The following AUTS2 variants were observed in gnomAD, a reference collection of about 807,000 sequenced individuals.
The protein encoded by AUTS2 is autism susceptibility gene 2 protein.
Under a neutral mutation model 112.4 loss-of-function variants are expected in AUTS2, and 17 were observed. That is an observed-to-expected ratio of 0.15 (90% confidence interval 0.10 to 0.23). The LOEUF is 0.23. Among genes scored for constraint, AUTS2 ranks in the 10% least tolerant of loss-of-function variants. The pLI is 1.00. For synonymous variants in AUTS2, 751 were observed against 702.7 expected (o/e 1.07, Z -1.09); for missense variants, 1,510 against 1,701.6 (o/e 0.89, Z 1.98).
chr7:70,476,163 C>G (rs1166755858), intron 5 of AUTS2, among the ~76,000 whole-genome samples: 5 of 151,992 alleles, frequency 3.3e-5, no homozygotes, highest in African/African-American at 1.2e-4. Context: ...CTGTTTTTAC[C>G]CATCCCCATA....
chr7:69,675,727 G>A (rs1196104712), intron 1 of AUTS2, among the ~76,000 whole-genome samples: 1 of 151,792 alleles, frequency 6.6e-6, no homozygotes. Flanking sequence ...GGTTGGTCTC[G>A]AACTCCTGAC....
intron 10 of AUTS2, among the ~76,000 whole-genome samples, chr7:70,770,279 G>C (rs1175317810): frequency 6.6e-6 from 1 of 152,180 alleles, no homozygotes; most frequent in Non-Finnish European, 1.5e-5. Flanking sequence ...ATATCAATTA[G>C]TCTGAAAAAC....
At chr7:69,623,204 A>G (rs567082316) in intron 1 of AUTS2, among the ~76,000 whole-genome samples, 166 of 151,972 alleles carry the variant, frequency 1.1e-3, no homozygotes, top group Non-Finnish European at 1.9e-3. Flanking sequence ...GCTCTGGAAC[A>G]TTAGTGTTTT....
chr7:70,550,299 T>G lies in AUTS2; in HGVS notation c.690+114518T>G, dbSNP rs568361761. On this transcript the variant is annotated intron_variant, in intron 5 of 18. Coordinates refer to ENST00000342771, the MANE Select transcript of AUTS2 (RefSeq NM_015570.4). ...CAGATTCAAGTACAATGCTTTATAATTATCCCTATGAAATTCTAGCATGTT... is the reference window on the plus strand; with the variant it reads ...CAGATTCAAGTACAATGCTTTATAAGTATCCCTATGAAATTCTAGCATGTT... 3.3e-5 allele frequency among the ~76,000 whole-genome samples: 5 copies of G among 152,316 alleles called. No individual in the cohort carries two copies. The South Asian group carries it at 1.0e-3, about 32-fold the overall frequency.
chr7:70,505,408 C>A (rs1798923043), intron 5 of AUTS2, among the ~76,000 whole-genome samples: 1 of 152,088 alleles, frequency 6.6e-6, no homozygotes, highest in African/African-American at 2.4e-5. Context: ...AAATGATAGA[C>A]CCAGGACAGG....
intron 4 of AUTS2, among the ~76,000 whole-genome samples, chr7:70,302,971 C>G (rs1374781099): frequency 3.3e-5 from 5 of 150,940 alleles, no homozygotes; most frequent in Non-Finnish European, 7.4e-5. Flanking sequence ...CTTTAAAAAC[C>G]AGCATCTAGC....
intron 4 of AUTS2, among the ~76,000 whole-genome samples, chr7:70,363,305 C>G (rs530405925): frequency 1.3e-5 from 2 of 152,162 alleles, no homozygotes; most frequent in Non-Finnish European, 2.9e-5. Flanking sequence ...AATAGAATTG[C>G]TATATCAAAA....
At chr7:69,704,301 G>T (rs201828394) in intron 1 of AUTS2, among the ~76,000 whole-genome samples, 1 of 150,480 alleles carries the variant, frequency 6.6e-6, no homozygotes. Flanking sequence ...TTTTTGAGAC[G>T]GAGTCTCACT....
At chr7:70,427,978 C>G (rs1795502182) in intron 4 of AUTS2, among the ~76,000 whole-genome samples, 1 of 152,132 alleles carries the variant, frequency 6.6e-6, no homozygotes, top group Non-Finnish European at 1.5e-5. Context: ...TTCAAATGGG[C>G]TCATTAGTGA....
chr7:70,378,426 A>C (rs1222721897), intron 4 of AUTS2, among the ~76,000 whole-genome samples: 1 of 152,240 alleles, frequency 6.6e-6, no homozygotes, highest in African/African-American at 2.4e-5. Context: ...TTCAGTTATT[A>C]GCTATGATGC....
At chr7:69,685,397 T>C (rs55773107) in intron 1 of AUTS2, among the ~76,000 whole-genome samples, 3,371 of 152,262 alleles carry the variant, frequency 0.022, 56 homozygotes, top group South Asian at 0.072. Context: ...AGGTCACAGT[T>C]CTCTATTCCT....
intron 4 of AUTS2, among the ~76,000 whole-genome samples, chr7:70,175,494 C>T (rs1167251568): frequency 6.6e-6 from 1 of 152,186 alleles, no homozygotes; most frequent in Non-Finnish European, 1.5e-5. Context: ...GGGTAATATG[C>T]TATCAAACAG....
At chr7:70,514,753 C>T (rs1041948022) in intron 5 of AUTS2, among the ~76,000 whole-genome samples, 5 of 152,150 alleles carry the variant, frequency 3.3e-5, no homozygotes, top group African/African-American at 7.2e-5. Flanking sequence ...TGAATTCATG[C>T]GTGTGCCTGG....
intron 5 of AUTS2, among the ~76,000 whole-genome samples, chr7:70,678,434 G>C (rs900218637): frequency 1.9e-4 from 29 of 152,244 alleles, no homozygotes; most frequent in Admixed American, 1.0e-3. Flanking sequence ...AGTGGTACTG[G>C]GGGGAGCAAG....
At chr7:69,773,787 G>A (rs1036398606) in intron 1 of AUTS2, among the ~76,000 whole-genome samples, 2 of 152,194 alleles carry the variant, frequency 1.3e-5, no homozygotes, top group Non-Finnish European at 2.9e-5. Flanking sequence ...AGTATCAGCG[G>A]GGTCCAGCCT....
chr7:70,552,878 A>G (rs1045654539), intron 5 of AUTS2, among the ~76,000 whole-genome samples: 2 of 152,210 alleles, frequency 1.3e-5, no homozygotes, highest in African/African-American at 4.8e-5. Flanking sequence ...TGAATTTTCC[A>G]GCACAAACAC....
chr7:70,618,569 G>C (rs566472408), intron 5 of AUTS2, among the ~76,000 whole-genome samples: 1 of 152,264 alleles, frequency 6.6e-6, no homozygotes, highest in East Asian at 1.9e-4. Flanking sequence ...ATTAAACTGC[G>C]ATCACTAACC....
intron 4 of AUTS2, among the ~76,000 whole-genome samples, chr7:70,406,207 C>CCCTT (rs1585108190): frequency 1.3e-5 from 2 of 152,164 alleles, no homozygotes; most frequent in Non-Finnish European, 2.9e-5. Flanking sequence ...ACCTGCCACC[C>CCCTT]CCTTCCTTCC....
At chr7:70,651,881 C>T (rs1031258431) in intron 5 of AUTS2, among the ~76,000 whole-genome samples, 5 of 152,136 alleles carry the variant, frequency 3.3e-5, no homozygotes, top group African/African-American at 1.2e-4. Flanking sequence ...AACACACGCA[C>T]AGAAATGCAC....
Sources: allele counts gnomAD v4.1 joint callset (sites outside exome capture counted in the v4.1 genomes callset), GRCh38; gene constraint gnomAD v4.1.1; transcripts MANE v1.5; gene names NCBI Gene and HGNC (gene_info 2026-07-23, HGNC 2026-07-21).